Variants in GMDS observed in about 807,000 individuals in gnomAD.
The protein encoded by GMDS is GDP-mannose 4,6-dehydratase, also known as GDP-mannose 4,6 dehydratase.
In GMDS, 20 loss-of-function variants were observed where a neutral mutation model predicts 49.9. The ratio of observed to expected loss-of-function variants is 0.40; its 90% confidence interval spans 0.28 to 0.58. GMDS has a LOEUF of 0.58. Among genes scored for constraint, GMDS ranks in the 20% least tolerant of loss-of-function variants. GMDS has a pLI of 0.42. For synonymous variants in GMDS, 177 were observed against 178.6 expected (o/e 0.99, Z 0.07); for missense variants, 362 against 481.4 (o/e 0.75, Z 2.32).
intron 6 of GMDS, among the ~76,000 whole-genome samples, chr6:1,957,969 AT>A (rs913697560): frequency 5.3e-5 from 8 of 151,760 alleles, no homozygotes; most frequent in African/African-American, 1.7e-4. Context: ...CACCTGGCTG[AT>A]TCGTTTTTTA....
At chr6:2,233,258 C>T (rs1781197020) in intron 1 of GMDS, among the ~76,000 whole-genome samples, 1 of 152,170 alleles carries the variant, frequency 6.6e-6, no homozygotes, top group Non-Finnish European at 1.5e-5. Flanking sequence ...GCCTGAAATG[C>T]AAACATTTTC....
At chr6:1,737,032 C>A (rs1298771427) in intron 8 of GMDS, among the ~76,000 whole-genome samples, 1 of 152,178 alleles carries the variant, frequency 6.6e-6, no homozygotes, top group Non-Finnish European at 1.5e-5. Context: ...CCAGAAATCC[C>A]ATCCATCAGG....
chr6:2,037,612 G>A (rs1004578733), intron 4 of GMDS, among the ~76,000 whole-genome samples: 1 of 152,162 alleles, frequency 6.6e-6, no homozygotes, highest in African/African-American at 2.4e-5. Context: ...CAATGTCTAC[G>A]TCATAGTTCA....
At chr6:1,815,192 T>C (rs3800080) in intron 7 of GMDS, among the ~76,000 whole-genome samples, 29,098 of 151,154 alleles carry the variant, frequency 0.19, 3,674 homozygotes, top group African/African-American at 0.36. Context: ...AATGCATGTA[T>C]TGTCTGCAAT....
At chr6:1,732,308 A>G (rs1443531865) in intron 8 of GMDS, among the ~76,000 whole-genome samples, 1 of 152,214 alleles carries the variant, frequency 6.6e-6, no homozygotes, top group Non-Finnish European at 1.5e-5. Context: ...GCCTGGTGAC[A>G]GAGCGAGGCT....
intron 9 of GMDS, among the ~76,000 whole-genome samples, chr6:1,686,641 C>T (rs1016944240): frequency 1.3e-5 from 2 of 152,122 alleles, no homozygotes; most frequent in African/African-American, 4.8e-5. Flanking sequence ...ATGGCATAAG[C>T]CATAATGGAA....
At chr6:2,073,141 C>T (rs183761201) in intron 4 of GMDS, among the ~76,000 whole-genome samples, 2 of 152,296 alleles carry the variant, frequency 1.3e-5, no homozygotes. Flanking sequence ...CTGCCCGCAC[C>T]GCTTTGTGCC....
At chr6:1,751,113 G>A (rs943248981) in intron 7 of GMDS, among the ~76,000 whole-genome samples, 13 of 152,214 alleles carry the variant, frequency 8.5e-5, no homozygotes, top group South Asian at 2.1e-4. Context: ...CTGGAACAGA[G>A]CACCTGGGGA....
chr6:1,801,941 C>T (rs1325132838), intron 7 of GMDS, among the ~76,000 whole-genome samples: 1 of 152,152 alleles, frequency 6.6e-6, no homozygotes, highest in Non-Finnish European at 1.5e-5. Flanking sequence ...CCTCCCACCC[C>T]GAATAAAAAC....
chr6:1,635,832 C>T lies in GMDS; in HGVS notation c.988-11292G>A, dbSNP rs1177762098. 6.6e-6 allele frequency among the ~76,000 whole-genome samples: 1 copy of T among 152,226 alleles called. No individual in the cohort carries two copies. Among genetic ancestry groups the T allele is most frequent in the East Asian group, 1.9e-4 (1 of 5,208 alleles). ...CAGCCTTGTACATAACCCACAGCCA[C>T]TCCAGGCAAGCAGGGCCCAGCCTCG... On this transcript the variant is annotated intron_variant, in intron 9 of 10. Coordinates refer to ENST00000380815, the MANE Select transcript of GMDS (RefSeq NM_001500.4). This position sits in a 1 kb window ranked among gnomAD's most constrained non-coding sequence, Gnocchi z 4.7.
intron 7 of GMDS, among the ~76,000 whole-genome samples, chr6:1,845,432 A>G (rs1230059387): frequency 6.6e-6 from 1 of 152,248 alleles, no homozygotes; most frequent in Non-Finnish European, 1.5e-5. Flanking sequence ...CACATTGAAG[A>G]TTATAGTAGA....
At chr6:1,633,038 G>C (rs1763043728) in intron 9 of GMDS, among the ~76,000 whole-genome samples, 1 of 152,178 alleles carries the variant, frequency 6.6e-6, no homozygotes, top group Non-Finnish European at 1.5e-5. Flanking sequence ...AGTTGTGTGA[G>C]AATTCAAAAT....
intron 7 of GMDS, among the ~76,000 whole-genome samples, chr6:1,873,109 C>T (rs376084798): frequency 2.0e-5 from 3 of 152,156 alleles, no homozygotes; most frequent in African/African-American, 7.2e-5. Flanking sequence ...GGCAAGTCGC[C>T]CAGTTCTTTA....
At chr6:1,995,884 C>T (rs1052857165) in intron 4 of GMDS, among the ~76,000 whole-genome samples, 1 of 119,814 alleles carries the variant, frequency 8.3e-6, no homozygotes, top group African/African-American at 3.6e-5. Flanking sequence ...TTGGTGATCT[C>T]TACTTCTTTG....
At chr6:1,783,973 A>G (rs1472446553) in intron 7 of GMDS, among the ~76,000 whole-genome samples, 1 of 152,184 alleles carries the variant, frequency 6.6e-6, no homozygotes, top group Non-Finnish European at 1.5e-5. Flanking sequence ...ACACAAGATG[A>G]ACAAGCCTAA....
At chr6:2,000,008 A>T (rs1305838918) in intron 4 of GMDS, among the ~76,000 whole-genome samples, 2 of 8,084 alleles carry the variant, frequency 2.5e-4, no homozygotes, top group Non-Finnish European at 2.9e-4. Context: ...ATATATATAT[A>T]TTTTTTATAT....
intron 4 of GMDS, among the ~76,000 whole-genome samples, chr6:2,063,383 A>T (rs1771308805): frequency 6.6e-6 from 1 of 152,190 alleles, no homozygotes; most frequent in Non-Finnish European, 1.5e-5. Flanking sequence ...TTGTAAGTAA[A>T]TACATGTCAA....
In GMDS at chr6:2,066,373, A is replaced by C. The variant is rs546137633; in HGVS notation, c.345+49398T>G. Among the ~76,000 whole-genome samples the C allele has an allele frequency of 1.6e-3, 221 of 138,196 alleles. 1 individual carries two copies. Among genetic ancestry groups the C allele is most frequent in the Middle Eastern group, 3.4e-3 (1 of 290 alleles). 90.7% of individuals were successfully genotyped at this position (138,196 alleles called of 152,430 possible). A position where few individuals can be genotyped will look rare whatever the true frequency, so the allele number is the denominator to read the frequency against. On this transcript the variant is annotated intron_variant, in intron 4 of 10. Coordinates refer to ENST00000380815, the MANE Select transcript of GMDS (RefSeq NM_001500.4). Reference sequence around the variant, plus strand: ...AACTGCATCAACTAATGAGCAAAATAACCAGCTAACATCATAATGACAGGA... The same window carrying C: ...AACTGCATCAACTAATGAGCAAAATCACCAGCTAACATCATAATGACAGGA...
chr6:1,674,959 CAG>C (rs1561718688), intron 9 of GMDS, among the ~76,000 whole-genome samples: 5 of 151,304 alleles, frequency 3.3e-5, no homozygotes, highest in African/African-American at 9.7e-5. Flanking sequence ...TTTTTTGAGA[CAG>C]AGTTTTGCTC....
Sources: gnomAD v4.1 joint callset for allele counts (sites outside exome capture counted in the v4.1 genomes callset) on GRCh38, gnomAD v4.1.1 for gene constraint, Gnocchi (gnomAD v3.1) non-coding constraint, MANE v1.5 for transcripts, NCBI Gene and HGNC (gene_info 2026-07-23, HGNC 2026-07-21) for gene names.